Variants in CDKN2B-AS1 observed in about 807,000 individuals in gnomAD.
The protein encoded by CDKN2B-AS1 is CDKN2B antisense RNA 1 (non-protein coding).
At chr9:22,112,371 C>T (rs1227392889) in intron 4 of CDKN2B-AS1, 1 of 152,170 alleles carries the variant, frequency 6.6e-6, no homozygotes, top group Non-Finnish European at 1.5e-5. Context: ...TTCCCGAGTT[C>T]TACGTTCTAC....
At chr9:22,017,602 T>A (rs951379584) in intron 1 of CDKN2B-AS1, among the ~76,000 whole-genome samples, 3 of 152,240 alleles carry the variant, frequency 2.0e-5, no homozygotes, top group African/African-American at 7.2e-5. Context: ...ACACCCCATT[T>A]TGAAAACATT....
intron 1 of CDKN2B-AS1, among the ~76,000 whole-genome samples, chr9:22,016,287 G>A (rs1483279431): frequency 6.6e-6 from 1 of 152,120 alleles, no homozygotes; most frequent in African/African-American, 2.4e-5. Flanking sequence ...ACTGCTCAAT[G>A]AAATAAAAGA....
chr9:22,001,929 CT>C lies in CDKN2B-AS1; in HGVS notation n.29+6771del, dbSNP rs1419393545. Among the ~76,000 whole-genome samples the C allele has an allele frequency of 6.6e-6, 1 of 152,096 alleles. No homozygotes were observed. The highest frequency in any genetic ancestry group is 2.4e-5 in the African/African-American group (1 of 41,444). Reference sequence around the variant, plus strand: ...TTTCACTTTTCTTCATTCCCTCTTTCTTTCCTGTCGTTATAAGTAGAATAGG... The same window carrying C: ...TTTCACTTTTCTTCATTCCCTCTTTCTTCCTGTCGTTATAAGTAGAATAGG... On this transcript the variant is annotated intron_variant and non_coding_transcript_variant, in intron 1 of 4. Coordinates refer to ENST00000650946, the Ensembl canonical transcript of CDKN2B-AS1. The surrounding 1 kb of genome is among the most constrained non-coding windows in gnomAD (Gnocchi z 4.2).
chr9:22,041,055 C>G (rs764665141), intron 1 of CDKN2B-AS1, among the ~76,000 whole-genome samples: 20 of 152,006 alleles, frequency 1.3e-4, no homozygotes, highest in Non-Finnish European at 2.6e-4. Flanking sequence ...CACTCCCTCT[C>G]TCACTAAATA....
At chr9:22,072,075 G>A (rs1563963153) in intron 4 of CDKN2B-AS1, among the ~76,000 whole-genome samples, 1 of 152,130 alleles carries the variant, frequency 6.6e-6, no homozygotes, top group Non-Finnish European at 1.5e-5. Flanking sequence ...AACTAAATAT[G>A]CCTACAAAAG....
At chr9:22,096,098 G>A (rs776287011) in intron 4 of CDKN2B-AS1, among the ~76,000 whole-genome samples, 11 of 152,160 alleles carry the variant, frequency 7.2e-5, no homozygotes, top group East Asian at 1.9e-4. Context: ...GATAGGGGTA[G>A]GGAATTCTAA....
At chr9:22,122,294 T>G (rs117493341) in intron 4 of CDKN2B-AS1, among the ~76,000 whole-genome samples, 533 of 152,260 alleles carry the variant, frequency 3.5e-3, no homozygotes, top group Middle Eastern at 6.8e-3. Flanking sequence ...ATTCTAGATA[T>G]TAATCTCTTG....
At chr9:22,085,946 CCTT>C (rs1393451987) in intron 4 of CDKN2B-AS1, among the ~76,000 whole-genome samples, 1 of 151,606 alleles carries the variant, frequency 6.6e-6, no homozygotes, top group Non-Finnish European at 1.5e-5. Context: ...TTGATTTTGT[CCTT>C]AAGTATTTGG....
chr9:22,045,696 A>G (rs564981814), intron 1 of CDKN2B-AS1, among the ~76,000 whole-genome samples: 35 of 152,196 alleles, frequency 2.3e-4, no homozygotes, highest in Non-Finnish European at 3.8e-4. Context: ...AAAGTAGATC[A>G]CTTAAAGTCT....
intron 1 of CDKN2B-AS1, among the ~76,000 whole-genome samples, chr9:22,011,774 C>G (rs1587395223): frequency 6.6e-6 from 1 of 152,192 alleles, no homozygotes; most frequent in East Asian, 1.9e-4. Context: ...CATTTTACCT[C>G]TCCTTGAAAC....
chr9:22,022,553 A>T (rs1320347296), intron 1 of CDKN2B-AS1, among the ~76,000 whole-genome samples: 1 of 151,916 alleles, frequency 6.6e-6, no homozygotes, highest in Non-Finnish European at 1.5e-5. Context: ...TGCATGTAAG[A>T]TGGATCTCTT....
chr9:22,024,758 G>T (rs542908541), intron 1 of CDKN2B-AS1, among the ~76,000 whole-genome samples: 4 of 152,200 alleles, frequency 2.6e-5, no homozygotes, highest in Admixed American at 1.3e-4. Flanking sequence ...GATGTGGGGA[G>T]TTGCCATGGG....
At chr9:22,107,475 A>T (rs917719537) in intron 4 of CDKN2B-AS1, among the ~76,000 whole-genome samples, 37 of 152,208 alleles carry the variant, frequency 2.4e-4, no homozygotes, top group African/African-American at 8.7e-4. Context: ...TCCCCACTTG[A>T]AACTCTCAGA....
intron 1 of CDKN2B-AS1, among the ~76,000 whole-genome samples, chr9:22,043,092 T>A (rs550841985): frequency 3.5e-4 from 53 of 152,228 alleles, no homozygotes; most frequent in African/African-American, 1.2e-3. Context: ...CTGTATTTTA[T>A]TTGGTTTTGA....
chr9:21,997,291 C>T lies in CDKN2B-AS1; in HGVS notation n.29+2130C>T, dbSNP rs1414804633. Reference sequence around the variant, plus strand: ...AGTATGTTGTGCTACAACTTTAGGACAGCTATGACATCACTAGGGGATAGG... The same window carrying T: ...AGTATGTTGTGCTACAACTTTAGGATAGCTATGACATCACTAGGGGATAGG... On this transcript the variant is annotated intron_variant and non_coding_transcript_variant, in intron 1 of 4. Transcript: ENST00000650946. The surrounding 1 kb of genome is among the most constrained non-coding windows in gnomAD (Gnocchi z 4.8). Among the ~76,000 whole-genome samples, 1 of 152,134 alleles carries T rather than the reference C, an allele frequency of 6.6e-6. No individual in the cohort carries two copies. The highest frequency in any genetic ancestry group is 1.9e-4 in the East Asian group (1 of 5,198).
chr9:22,120,967 A>G (rs1826087805), intron 4 of CDKN2B-AS1: 1 of 152,208 alleles, frequency 6.6e-6, no homozygotes, highest in Admixed American at 6.5e-5. Context: ...AGACAGAAGC[A>G]TAAAGAAGTT....
intron 4 of CDKN2B-AS1, chr9:22,063,992 G>A (rs772147626): frequency 9.2e-5 from 14 of 152,232 alleles, no homozygotes; most frequent in Non-Finnish European, 2.1e-4. Flanking sequence ...GACGTTGCCT[G>A]TGGCCACCTT....
intron 1 of CDKN2B-AS1, among the ~76,000 whole-genome samples, chr9:22,037,692 G>A (rs573628222): frequency 6.6e-6 from 1 of 152,146 alleles, no homozygotes; most frequent in South Asian, 2.1e-4. Context: ...ACCACAAAGG[G>A]TAGTGGAGAT....
chr9:22,072,519 TA>T (rs1428985997), intron 4 of CDKN2B-AS1, among the ~76,000 whole-genome samples: 1 of 152,252 alleles, frequency 6.6e-6, no homozygotes, highest in African/African-American at 2.4e-5. Context: ...ACATGTAGCT[TA>T]AGCTATCTAA....
Sources: allele counts gnomAD v4.1 joint callset (sites outside exome capture counted in the v4.1 genomes callset), GRCh38; gene constraint gnomAD v4.1.1; non-coding constraint Gnocchi (gnomAD v3.1); transcripts MANE v1.5; gene names NCBI Gene and HGNC (gene_info 2026-07-23, HGNC 2026-07-21).